The following PDSS1 variants were observed in gnomAD, a reference collection of about 807,000 sequenced individuals.
The protein encoded by PDSS1 is all trans-polyprenyl-diphosphate synthase PDSS1.
Under a neutral mutation model 57.5 loss-of-function variants are expected in PDSS1, and 43 were observed. The ratio of observed to expected loss-of-function variants is 0.75; its 90% confidence interval spans 0.59 to 0.96. The LOEUF is 0.96. Among genes scored for constraint, PDSS1 ranks in the 50% least tolerant of loss-of-function variants. The pLI, the probability that PDSS1 is intolerant of heterozygous loss-of-function variation, is 0.00. For synonymous variants in PDSS1, 175 were observed against 191.3 expected, an observed-to-expected ratio of 0.91 and a Z score of 0.70; for missense variants, 438 against 527.8, an observed-to-expected ratio of 0.83 and a Z score of 1.67.
chr10:26,716,619 A>T (rs907424520), intron 5 of PDSS1, among the ~76,000 whole-genome samples: 1 of 152,004 alleles, frequency 6.6e-6, no homozygotes, highest in Admixed American at 6.6e-5. Flanking sequence ...TAAAACAAGG[A>T]GGCGAAGGTT....
chr10:26,697,746 G>A lies in PDSS1; in HGVS notation c.35G>A (p.Cys12Tyr), dbSNP rs1349152950. The A allele has an allele frequency of 3.1e-6, 4 of 1,293,924 alleles. No homozygotes were observed. The highest frequency in any genetic ancestry group is 1.5e-5 in the African/African-American group (1 of 64,562). 80.2% of individuals were successfully genotyped at this position (1,293,924 alleles called of 1,614,324 possible). A position where few individuals can be genotyped will look rare whatever the true frequency, so the allele number is the denominator to read the frequency against. ...CGCTGGTGGCGGTGGCGGCGCGGCT[G>A]CTCCTGGAAGCCGGCGGCGCGGAGC... ...ASRWWRWRRG[C>Y]SWKPAARSPG... The change falls in exon 1 of 12, where the codon TGC (cysteine) becomes TAC (tyrosine). Residue 12 changes from cysteine to tyrosine, a missense_variant. Around this residue, in one of 2 missense-constraint regions of PDSS1, gnomAD observed 154 missense variants for 137.0 expected, o/e 1.12. Transcript: ENST00000376215.
intron 1 of PDSS1, among the ~76,000 whole-genome samples, chr10:26,699,353 G>A (rs2132201294): frequency 6.6e-6 from 1 of 151,700 alleles, no homozygotes; most frequent in Non-Finnish European, 1.5e-5. Context: ...GAAGAGATGG[G>A]TGCATCCACC....
At chr10:26,726,500 A>G (rs1451485686) in intron 8 of PDSS1, among the ~76,000 whole-genome samples, 1 of 152,234 alleles carries the variant, frequency 6.6e-6, no homozygotes, top group African/African-American at 2.4e-5. Flanking sequence ...TTAAAATGCA[A>G]AGCCATGCGA....
intron 8 of PDSS1, 87 bp from the exon 9 acceptor site, chr10:26,735,153 C>T: frequency 2.2e-6 from 2 of 899,784 alleles, no homozygotes; most frequent in Non-Finnish European, 3.8e-6. Flanking sequence ...CCGCTGCCTC[C>T]TATTTTAAGG....
intron 5 of PDSS1, among the ~76,000 whole-genome samples, chr10:26,713,811 A>G (rs551150854): frequency 6.6e-6 from 1 of 152,296 alleles, no homozygotes; most frequent in South Asian, 2.1e-4. Flanking sequence ...CTGCTGTACC[A>G]GGTATGGTTG....
At position 26,746,388 on chromosome 10, in the gene PDSS1, TAA is replaced by T. The variant is rs1425736863; in HGVS notation, c.1164_1165del (p.Ile388MetfsTer5). 6.2e-7 allele frequency: 1 copy of T among 1,613,964 alleles called. No homozygotes were observed. The highest frequency in any genetic ancestry group is 1.7e-5 in the Admixed American group (1 of 60,010). On this transcript the variant is annotated frameshift_variant, in exon 12 of 12. Coordinates refer to ENST00000376215, the MANE Select transcript of PDSS1 (RefSeq NM_014317.5). LOFTEE classifies it high-confidence loss of function. ...GCCCAGCAGTACTGCCATGAAGCAA[TAA>T]GAGAGATCAGTAAACTTCGACCATC...
chr10:26,737,188 T>G (rs1836434288), intron 10 of PDSS1, among the ~76,000 whole-genome samples: 1 of 152,208 alleles, frequency 6.6e-6, no homozygotes, highest in African/African-American at 2.4e-5. Flanking sequence ...TGTAAAAATC[T>G]TCAAATTGTT....
chr10:26,744,437 T>A (rs1033296541), intron 11 of PDSS1, among the ~76,000 whole-genome samples: 1 of 152,132 alleles, frequency 6.6e-6, no homozygotes, highest in Non-Finnish European at 1.5e-5. Flanking sequence ...GTTGCCAGGC[T>A]CAAGTTGCAG....
chr10:26,743,595 G>A (rs1287134613), intron 11 of PDSS1, among the ~76,000 whole-genome samples: 2 of 152,188 alleles, frequency 1.3e-5, no homozygotes, highest in Non-Finnish European at 2.9e-5. Flanking sequence ...CCCTGGGAGA[G>A]GTTCTGGCTT....
Position 26,735,641 on chromosome 10 carries a change from G to A in PDSS1, c.1026+62G>A, listed in dbSNP as rs553434258. Reference sequence around the variant, plus strand: ...TAGCCCCACAGAACTGATGTCCCGCGGCACAGCTGATGGGAAGATTGCATA... The same window carrying A: ...TAGCCCCACAGAACTGATGTCCCGCAGCACAGCTGATGGGAAGATTGCATA... On this transcript the variant is annotated intron_variant, in intron 10 of 11. Transcript: ENST00000376215. The A allele has an allele frequency of 5.8e-4, 530 of 917,664 alleles. 1 individual carries two copies. Among genetic ancestry groups the A allele is most frequent in the Non-Finnish European group, 8.2e-4 (452 of 548,058 alleles). The allele number at this position is 917,664 out of a possible 1,614,324, so 56.8% of individuals were successfully genotyped here.
intron 1 of PDSS1, among the ~76,000 whole-genome samples, chr10:26,701,116 G>T (rs1381237169): frequency 6.6e-6 from 1 of 152,212 alleles, no homozygotes; most frequent in Non-Finnish European, 1.5e-5. Context: ...GAGACTGGTG[G>T]CATTTTGCCC....
intron 8 of PDSS1, among the ~76,000 whole-genome samples, chr10:26,730,435 C>A (rs1836143778): frequency 6.6e-6 from 1 of 151,480 alleles, no homozygotes; most frequent in South Asian, 2.1e-4. Context: ...CATGGCGAAA[C>A]CTCTGTCTAC....
intron 1 of PDSS1, chr10:26,701,816 G>T (rs1835059398): frequency 2.2e-6 from 1 of 454,184 alleles, no homozygotes; most frequent in South Asian, 1.6e-5. Context: ...CCCCAGAATG[G>T]TAGGTCCACC....
At chr10:26,722,973 C>A (rs1165323948) in intron 6 of PDSS1, among the ~76,000 whole-genome samples, 1 of 149,776 alleles carries the variant, frequency 6.7e-6, no homozygotes, top group Non-Finnish European at 1.5e-5. Flanking sequence ...AGCCAAAATT[C>A]TTTGGTTTAA....
chr10:26,720,085 C>A, intron 5 of PDSS1, 133 bp from the exon 6 acceptor site: 1 of 1,316,220 alleles, frequency 7.6e-7, no homozygotes, highest in Non-Finnish European at 1.1e-6. Flanking sequence ...TGTGGTGAAG[C>A]CAGAGTTTTT....
chr10:26,735,900 A>G (rs1208431856), intron 10 of PDSS1, among the ~76,000 whole-genome samples: 1 of 152,150 alleles, frequency 6.6e-6, no homozygotes, highest in East Asian at 1.9e-4. Context: ...GATTATTTCC[A>G]TATATTTTGG....
intron 5 of PDSS1, among the ~76,000 whole-genome samples, chr10:26,714,460 C>CT (rs991205821): frequency 1.7e-5 from 2 of 120,376 alleles, no homozygotes; most frequent in African/African-American, 6.1e-5. Context: ...AGGGGAGACT[C>CT]TGTCTCAAAA....
intron 2 of PDSS1, among the ~76,000 whole-genome samples, chr10:26,703,803 C>T (rs1168831473): frequency 2.0e-5 from 3 of 151,966 alleles, no homozygotes; most frequent in Non-Finnish European, 4.4e-5. Flanking sequence ...AATATGGCGC[C>T]GGGCGCGGTG....
intron 8 of PDSS1, among the ~76,000 whole-genome samples, chr10:26,730,479 C>T (rs139395705): frequency 6.1e-4 from 93 of 151,780 alleles, no homozygotes; most frequent in African/African-American, 2.1e-3. Context: ...TGTGGTAGTG[C>T]ACACCTGAAG....
Sources: allele counts gnomAD v4.1 joint callset (sites outside exome capture counted in the v4.1 genomes callset), GRCh38; gene constraint gnomAD v4.1.1; regional missense constraint gnomAD v4.1.1; transcripts MANE v1.5; gene names NCBI Gene and HGNC (gene_info 2026-07-23, HGNC 2026-07-21).